Variants in DSCAML1 observed in about 807,000 individuals in gnomAD.
DSCAML1 encodes the protein cell adhesion molecule DSCAML1.
Under a neutral mutation model 200.5 loss-of-function variants are expected in DSCAML1, and 38 were observed. The ratio of observed to expected loss-of-function variants is 0.19; its 90% CI spans 0.15 to 0.25. The LOEUF (loss-of-function observed/expected upper bound fraction) is 0.25, where lower values mean the gene tolerates loss of function less well. Among genes scored for constraint, DSCAML1 ranks in the 10% least tolerant of loss-of-function variants. DSCAML1 has a pLI of 1.00. For missense variants in DSCAML1, 2,223 were observed against 2,858.8 expected (o/e 0.78, Z 5.07); for synonymous variants, 1,215 against 1,165.0 (o/e 1.04, Z -0.87).
chr11:117,472,287 G>A (rs1450386787), intron 14 of DSCAML1, among the ~76,000 whole-genome samples: 1 of 152,154 alleles, frequency 6.6e-6, no homozygotes, highest in East Asian at 1.9e-4. Flanking sequence ...TTCAGGCAGA[G>A]GTCGGACGAG....
chr11:117,596,869 C>T (rs1051829503), intron 3 of DSCAML1, among the ~76,000 whole-genome samples: 2 of 152,090 alleles, frequency 1.3e-5, no homozygotes, highest in Middle Eastern at 3.2e-3. Flanking sequence ...ATAAAGGTCT[C>T]ATAGGAAAAA....
intron 3 of DSCAML1, among the ~76,000 whole-genome samples, chr11:117,657,757 A>T (rs1368303222): frequency 6.6e-6 from 1 of 152,140 alleles, no homozygotes; most frequent in Non-Finnish European, 1.5e-5. Context: ...TAGCATTAAG[A>T]GAGACTTGGA....
chr11:117,549,495 G>T (rs2050433744), intron 3 of DSCAML1, among the ~76,000 whole-genome samples: 1 of 152,238 alleles, frequency 6.6e-6, no homozygotes, highest in Non-Finnish European at 1.5e-5. Flanking sequence ...ACCTTGCACA[G>T]GTTACTTAGC....
rs2047791110 is a variant in DSCAML1 at position 117,431,444 on chromosome 11, T to G, written c.5374+90A>C. ...TTGTGCCTTGGGCCCCATGAGCTGG[T>G]GGGTAGAAGCTGGGAAGAATAGAAG... On this transcript the variant is annotated intron_variant, in intron 31 of 32. Transcript: ENST00000651296. The G allele has an allele frequency of 4.0e-6, 5 of 1,240,174 alleles. No homozygotes were observed. In the South Asian group the frequency reaches 6.6e-5, roughly 16 times the overall value. 76.8% of individuals were successfully genotyped at this position (1,240,174 alleles called of 1,614,324 possible).
intron 3 of DSCAML1, among the ~76,000 whole-genome samples, chr11:117,649,656 T>C (rs555861028): frequency 6.6e-6 from 1 of 152,200 alleles, no homozygotes; most frequent in Admixed American, 6.5e-5. Context: ...TGTGAACTAA[T>C]GGCCCACTTT....
At chr11:117,677,073 T>G (rs1027437513) in intron 3 of DSCAML1, among the ~76,000 whole-genome samples, 1 of 152,342 alleles carries the variant, frequency 6.6e-6, no homozygotes, top group East Asian at 1.9e-4. Context: ...CCACAAAGGT[T>G]TGAGTAAGTC....
chr11:117,644,168 C>A (rs921897826), intron 3 of DSCAML1, among the ~76,000 whole-genome samples: 4 of 152,232 alleles, frequency 2.6e-5, no homozygotes, highest in African/African-American at 4.8e-5. Context: ...CGCTTCCTCT[C>A]TCTCCAGAAA....
At chr11:117,752,712 T>C (rs928839135) in intron 3 of DSCAML1, among the ~76,000 whole-genome samples, 11 of 152,252 alleles carry the variant, frequency 7.2e-5, no homozygotes, top group Non-Finnish European at 1.5e-5. Flanking sequence ...GTTTCTTCTC[T>C]GGACTTCAGT....
rs192161594 is a variant in DSCAML1 at position 117,431,430 on chromosome 11, G to T, written c.5374+104C>A. 1.5e-3 allele frequency: 1,658 copies of T among 1,103,884 alleles called. 15 individuals carry two copies. In the African/African-American group the frequency reaches 0.021, roughly 14 times the overall value. The allele number at this position is 1,103,884 out of a possible 1,614,324, so 68.4% of individuals were successfully genotyped here. A position where few individuals can be genotyped will look rare whatever the true frequency, so the allele number is the denominator to read the frequency against. ...GACATGAAACTGACTTGTGCCTTGGGCCCCATGAGCTGGTGGGTAGAAGCT... is the reference window on the plus strand; with the variant it reads ...GACATGAAACTGACTTGTGCCTTGGTCCCCATGAGCTGGTGGGTAGAAGCT... On this transcript the variant is annotated intron_variant, in intron 31 of 32. Transcript: ENST00000651296.
At chr11:117,496,792 G>A (rs1328209373) in intron 11 of DSCAML1, among the ~76,000 whole-genome samples, 1 of 152,208 alleles carries the variant, frequency 6.6e-6, no homozygotes, top group Non-Finnish European at 1.5e-5. Context: ...GGATGCATGG[G>A]CAGGTTCATC....
chr11:117,802,334 C>T (rs1046467401), intron 1 of DSCAML1, among the ~76,000 whole-genome samples: 1 of 152,126 alleles, frequency 6.6e-6, no homozygotes, highest in Non-Finnish European at 1.5e-5. Flanking sequence ...TGGGTCTCAT[C>T]CCTTTGTCTA....
At chr11:117,764,416 G>A (rs756443041) in intron 3 of DSCAML1, among the ~76,000 whole-genome samples, 3 of 152,132 alleles carry the variant, frequency 2.0e-5, no homozygotes, top group Non-Finnish European at 2.9e-5. Flanking sequence ...TCTTTGGTGC[G>A]TGGGAAGAGG....
At chr11:117,492,753 C>A (rs996405592) in intron 11 of DSCAML1, among the ~76,000 whole-genome samples, 1 of 152,200 alleles carries the variant, frequency 6.6e-6, no homozygotes, top group South Asian at 2.1e-4. Flanking sequence ...CTTCACTCAG[C>A]CTTCGACGGC....
Position 117,780,230 on chromosome 11 carries a change from AG to A in DSCAML1, c.364+262del, listed in dbSNP as rs377592663. On this transcript the variant is annotated intron_variant, in intron 2 of 32. Coordinates refer to ENST00000651296, the MANE Select transcript of DSCAML1 (RefSeq NM_020693.4). The surrounding 1 kb of genome is among the most constrained non-coding windows in gnomAD (Gnocchi z 4.8). ...GAAAGAGAGAGAGAGAAAGAAAGAA[AG>A]GAAAGAAAGAAAGAAAGAAAGAAAG... Among the ~76,000 whole-genome samples the A allele has an allele frequency of 0.12, 8,506 of 73,428 alleles. 434 individuals are homozygous for A. The highest frequency in any genetic ancestry group is 0.2 in the Middle Eastern group (31 of 156). The allele number at this position is 73,428 out of a possible 152,430, so 48.2% of individuals were successfully genotyped here.
chr11:117,757,631 C>T (rs185047391), intron 3 of DSCAML1, among the ~76,000 whole-genome samples: 4 of 151,234 alleles, frequency 2.6e-5, no homozygotes. Flanking sequence ...ATTATTTTTC[C>T]ACCTAACATC....
At chr11:117,701,229 G>A (rs1421108064) in intron 3 of DSCAML1, among the ~76,000 whole-genome samples, 1 of 152,084 alleles carries the variant, frequency 6.6e-6, no homozygotes, top group Non-Finnish European at 1.5e-5. Flanking sequence ...TTGTGCCACT[G>A]CACTCCAGCC....
chr11:117,463,500 C>T lies in DSCAML1; in HGVS notation c.3265+1442G>A, dbSNP rs1295125298. 6.6e-6 allele frequency among the ~76,000 whole-genome samples: 1 copy of T among 152,108 alleles called. No homozygotes were observed. The highest frequency in any genetic ancestry group is 2.4e-5 in the African/African-American group (1 of 41,410). ...CTGGGGGTTGGAGCCCAGCAACCTA[C>T]ATTTCCTAGACCTCCAGGAGGTCTG... On this transcript the variant is annotated intron_variant, in intron 17 of 32. Coordinates refer to ENST00000651296, the MANE Select transcript of DSCAML1 (RefSeq NM_020693.4). This position sits in a 1 kb window ranked among gnomAD's most constrained non-coding sequence, Gnocchi z 4.0.
At chr11:117,459,185 C>T (rs1310596765) in intron 18 of DSCAML1, among the ~76,000 whole-genome samples, 2 of 152,256 alleles carry the variant, frequency 1.3e-5, no homozygotes, top group Admixed American at 6.5e-5. Context: ...CACCTTGACA[C>T]GCTCTTTAAA....
intron 14 of DSCAML1, among the ~76,000 whole-genome samples, chr11:117,477,225 A>ACG (rs5795086): frequency 0.014 from 2,101 of 150,302 alleles, 22 homozygotes; most frequent in Non-Finnish European, 0.018. Context: ...ACACACACAC[A>ACG]CGTGCACACT....
Sources: allele counts gnomAD v4.1 joint callset (sites outside exome capture counted in the v4.1 genomes callset), GRCh38; gene constraint gnomAD v4.1.1; non-coding constraint Gnocchi (gnomAD v3.1); transcripts MANE v1.5; gene names NCBI Gene and HGNC (gene_info 2026-07-23, HGNC 2026-07-21).